FGF18: variants seen among roughly 807,000 people sequenced by gnomAD.
FGF18 encodes fibroblast growth factor 18.
In FGF18, 5 loss-of-function variants were observed where a neutral mutation model predicts 23.0. The ratio of observed to expected loss-of-function variants is 0.22; its 90% confidence interval spans 0.11 to 0.46. The LOEUF (loss-of-function observed/expected upper bound fraction) is 0.46, where lower values mean the gene tolerates loss of function less well. Among genes scored for constraint, FGF18 ranks in the 20% least tolerant of loss-of-function variants. The pLI, the probability that FGF18 is intolerant of heterozygous loss-of-function variation, is 0.99. For missense variants in FGF18, 180 were observed against 291.6 expected, an observed-to-expected ratio of 0.62 and a Z score of 2.79; for synonymous variants, 117 against 118.9, an observed-to-expected ratio of 0.98 and a Z score of 0.10.
intron 2 of FGF18, among the ~76,000 whole-genome samples, chr5:171,421,910 G>T (rs1458418445): frequency 6.6e-6 from 1 of 152,154 alleles, no homozygotes; most frequent in Non-Finnish European, 1.5e-5. Flanking sequence ...TGGTGTCAAA[G>T]AGGGAGGCCA....
At chr5:171,445,224 G>C (rs1285100229) in intron 3 of FGF18, among the ~76,000 whole-genome samples, 1 of 152,176 alleles carries the variant, frequency 6.6e-6, no homozygotes, top group African/African-American at 2.4e-5. Context: ...GCAAGGAAGG[G>C]AGGCAGGGCT....
intron 2 of FGF18, among the ~76,000 whole-genome samples, chr5:171,423,732 T>G (rs1054637077): frequency 6.6e-6 from 1 of 151,502 alleles, no homozygotes; most frequent in South Asian, 2.1e-4. Context: ...CAGTGTCCTT[T>G]GGTGCAAAAA....
chr5:171,437,125 G>C (rs568001136), intron 3 of FGF18, among the ~76,000 whole-genome samples: 2 of 152,334 alleles, frequency 1.3e-5, no homozygotes, highest in East Asian at 3.9e-4. Flanking sequence ...GGTTCTAGGA[G>C]ATGGCCCAGG....
chr5:171,439,451 C>T (rs1772302005), intron 3 of FGF18, among the ~76,000 whole-genome samples: 1 of 152,128 alleles, frequency 6.6e-6, no homozygotes, highest in African/African-American at 2.4e-5. Flanking sequence ...GGGGGAGGGG[C>T]ACCCTGCCCA....
At chr5:171,438,422 A>G (rs552552590) in intron 3 of FGF18, among the ~76,000 whole-genome samples, 1 of 150,902 alleles carries the variant, frequency 6.6e-6, no homozygotes, top group African/African-American at 2.4e-5. Context: ...TAAGTGTAAC[A>G]TGGGTGTGAC....
rs1296543150 is a variant in FGF18, at chr5:171,433,743, G to A, written c.70-2350G>A. 2.6e-5 allele frequency among the ~76,000 whole-genome samples: 4 copies of A among 152,202 alleles called. No individual in the cohort carries two copies. The East Asian group carries it at 7.7e-4, about 29-fold the overall frequency. On this transcript the variant is annotated intron_variant, in intron 2 of 4. Transcript: ENST00000274625. Reference sequence around the variant, plus strand: ...ATGGACTTAACTTTTCTGGGCCTTAGTGTCTCCATCCATTCAATGAGGGTG... The same window carrying A: ...ATGGACTTAACTTTTCTGGGCCTTAATGTCTCCATCCATTCAATGAGGGTG...
chr5:171,432,271 A>G (rs540136777), intron 2 of FGF18, among the ~76,000 whole-genome samples: 2 of 152,262 alleles, frequency 1.3e-5, no homozygotes, highest in South Asian at 2.1e-4. Flanking sequence ...CAGCCCCGCT[A>G]TGCATGTGCT....
chr5:171,420,548 C>A, intron 2 of FGF18, 105 bp downstream of exon 2: 2 of 1,169,228 alleles, frequency 1.7e-6, no homozygotes, highest in Non-Finnish European at 2.5e-6. Context: ...CCCTCCTGGG[C>A]GCTGAGCCCA....
rs532226645 is a variant in FGF18 at position 171,456,000 on chromosome 5, A to G, written c.358-539A>G. Among the ~76,000 whole-genome samples the G allele has an allele frequency of 4.6e-5, 7 of 152,256 alleles. No individual in the cohort carries two copies. In the South Asian group the frequency reaches 1.5e-3, roughly 32 times the overall value. ...CCAGGAAGTGAAGGCTCTCTGTCCTATGCTGCCCCAGCCACAGCCTCCTGC... is the reference window on the plus strand; with the variant it reads ...CCAGGAAGTGAAGGCTCTCTGTCCTGTGCTGCCCCAGCCACAGCCTCCTGC... On this transcript the variant is annotated intron_variant, in intron 4 of 4. Coordinates refer to ENST00000274625, the MANE Select transcript of FGF18 (RefSeq NM_003862.3).
intron 4 of FGF18, among the ~76,000 whole-genome samples, chr5:171,450,907 T>C (rs1252467156): frequency 6.6e-6 from 1 of 151,884 alleles, no homozygotes; most frequent in Non-Finnish European, 1.5e-5. Context: ...TCGTTTTTCT[T>C]TCTCCCCCAG....
chr5:171,457,164 AAAAAAAAAC>A lies in FGF18; in HGVS notation c.*368_*376del, dbSNP rs1233587920. On this transcript the variant is annotated 3_prime_UTR_variant, in exon 5 of 5. Coordinates refer to ENST00000274625, the MANE Select transcript of FGF18 (RefSeq NM_003862.3). ...TTCCCAAAGGTTCTGAAAGGAAAAAAAAAAAAAACAAAAAAAAAGAAAAACAAAGAGAAA... is the reference window on the plus strand; with the variant it reads ...TTCCCAAAGGTTCTGAAAGGAAAAAAAAAAAAAAAGAAAAACAAAGAGAAA... The A allele has an allele frequency of 5.6e-6, 1 of 180,028 alleles. No individual in the cohort carries two copies. The highest frequency in any genetic ancestry group is 1.1e-5 in the Non-Finnish European group (1 of 87,030). 11.2% of individuals were successfully genotyped at this position (180,028 alleles called of 1,614,324 possible).
chr5:171,447,921 A>G (rs1772442302), intron 3 of FGF18, among the ~76,000 whole-genome samples: 2 of 152,002 alleles, frequency 1.3e-5, no homozygotes, highest in Admixed American at 1.3e-4. Context: ...ACGAATTGGG[A>G]GTGGGGCGGT....
At position 171,420,415 on chromosome 5, in the gene FGF18, A is replaced by T. The variant is rs746317590; in HGVS notation, c.41A>T (p.His14Leu). The change falls in exon 2 of 5, where the codon CAC becomes CTC. Residue 14 changes from histidine (H) to leucine (L), a missense_variant. Physicochemically the swap from His to Leu is moderately conservative, Grantham distance 99 (BLOSUM62 -3). Around this residue, in one of 3 missense-constraint regions of FGF18, gnomAD observed 57 missense variants for 59.8 expected, o/e 0.95. Coordinates refer to ENST00000274625, the MANE Select transcript of FGF18 (RefSeq NM_003862.3). Reference protein sequence around the residue: ...APSACTCLCLHFLLLCFQVQV... With the variant: ...APSACTCLCLLFLLLCFQVQV... Reference sequence around the variant, plus strand: ...CCATCTGTTTCCCGCAGGTGTTTACACTTCCTGCTGCTGTGCTTCCAGGTA... The same window carrying T: ...CCATCTGTTTCCCGCAGGTGTTTACTCTTCCTGCTGCTGTGCTTCCAGGTA... 6.2e-7 allele frequency: 1 copy of T among 1,613,504 alleles called. No homozygotes were observed. The highest frequency in any genetic ancestry group is 8.5e-7 in the Non-Finnish European group (1 of 1,179,820).
chr5:171,427,948 C>G (rs1018378284), intron 2 of FGF18, among the ~76,000 whole-genome samples: 3 of 152,188 alleles, frequency 2.0e-5, no homozygotes, highest in Admixed American at 6.5e-5. Context: ...ATTGACTGGC[C>G]TCTCTGTGGC....
intron 3 of FGF18, among the ~76,000 whole-genome samples, chr5:171,446,559 G>C (rs1161016605): frequency 6.6e-6 from 1 of 152,202 alleles, no homozygotes; most frequent in Non-Finnish European, 1.5e-5. Context: ...TGAGGACAGA[G>C]GTCCAGGCGT....
intron 3 of FGF18, among the ~76,000 whole-genome samples, chr5:171,445,498 A>G (rs1027031325): frequency 2.0e-5 from 3 of 151,828 alleles, no homozygotes; most frequent in Admixed American, 6.5e-5. Flanking sequence ...AGCTGGGACT[A>G]CAGGTGTGCG....
intron 4 of FGF18, among the ~76,000 whole-genome samples, chr5:171,449,856 G>C (rs974224559): frequency 9.9e-5 from 15 of 151,886 alleles, no homozygotes; most frequent in African/African-American, 3.6e-4. Flanking sequence ...GGGGACCCTC[G>C]GGTTGGGGAG....
At chr5:171,438,099 CTTTT>C (rs372013681) in intron 3 of FGF18, among the ~76,000 whole-genome samples, 5 of 135,678 alleles carry the variant, frequency 3.7e-5, no homozygotes, top group Admixed American at 2.2e-4. Flanking sequence ...TTTTTCTTTT[CTTTT>C]TTTTTTTTTT....
intron 4 of FGF18, among the ~76,000 whole-genome samples, chr5:171,452,338 C>T (rs1456644455): frequency 6.6e-6 from 1 of 152,220 alleles, no homozygotes; most frequent in Non-Finnish European, 1.5e-5. Flanking sequence ...TGGAGTGGCT[C>T]AATGGGGCAG....
Sources: gnomAD v4.1 joint callset for allele counts (sites outside exome capture counted in the v4.1 genomes callset) on GRCh38, gnomAD v4.1.1 for gene constraint, gnomAD v4.1.1 regional missense constraint, MANE v1.5 for transcripts, NCBI Gene and HGNC (gene_info 2026-07-23, HGNC 2026-07-21) for gene names.